ZNF790: variants seen among roughly 807,000 people sequenced by gnomAD.
ZNF790 encodes the protein zinc finger protein 790.
A neutral mutation model predicts 12.1 loss-of-function variants in ZNF790; 8 were observed. That is an observed-to-expected ratio of 0.66 (90% CI 0.39 to 1.19). The LOEUF is 1.19. Ranked by LOEUF, ZNF790 falls within the 50% of genes most tolerant of loss-of-function variation. The probability of loss-of-function intolerance (pLI) is 0.01; values close to 1 mark genes in which losing one functional copy is unlikely to be tolerated. For synonymous variants in ZNF790, 252 were observed against 244.3 expected (o/e 1.03, Z -0.29); for missense variants, 707 against 752.2 (o/e 0.94, Z 0.70).
At chr19:36,842,043 A>C (rs2072134521), upstream of ZNF790, among the ~76,000 whole-genome samples, 2 of 152,312 alleles carry the variant, frequency 1.3e-5, no homozygotes, top group Middle Eastern at 3.4e-3. Flanking sequence ...CACATAAAAG[A>C]AAGTGTACAT....
intron 1 of ZNF790, among the ~76,000 whole-genome samples, chr19:36,829,630 C>T (rs1294653029): frequency 4.6e-5 from 7 of 152,198 alleles, no homozygotes; most frequent in African/African-American, 9.7e-5. Context: ...TGCAATGGCA[C>T]GATCTCGACT....
chr19:36,823,202 T>G (rs745798282), intron 4 of ZNF790, 83 bp downstream of exon 4: 27 of 1,264,196 alleles, frequency 2.1e-5, no homozygotes, highest in Admixed American at 1.1e-4. Context: ...AGACCAATAT[T>G]TCAGAGGTGT....
At chr19:36,844,500 A>G (rs1051744399) in intron 1 of ZNF790, among the ~76,000 whole-genome samples, 1 of 152,262 alleles carries the variant, frequency 6.6e-6, no homozygotes, top group South Asian at 2.1e-4. Flanking sequence ...ACACATTGGT[A>G]TGTATAATTG....
At chr19:36,834,243 CAAAAA>C (rs751627349) in intron 1 of ZNF790, among the ~76,000 whole-genome samples, 3 of 34,886 alleles carry the variant, frequency 8.6e-5, no homozygotes, top group Admixed American at 5.6e-4. Flanking sequence ...AACTCCATCT[CAAAAA>C]AAAAAAAAAA....
At chr19:36,824,736 AG>A (rs1979571591) in intron 2 of ZNF790, among the ~76,000 whole-genome samples, 1 of 152,146 alleles carries the variant, frequency 6.6e-6, no homozygotes, top group Middle Eastern at 3.2e-3. Context: ...TGGAAGAACT[AG>A]CCCCAGATTT....
At chr19:36,831,156 AC>A (rs1331355162) in intron 1 of ZNF790, among the ~76,000 whole-genome samples, 8 of 152,012 alleles carry the variant, frequency 5.3e-5, no homozygotes, top group Admixed American at 1.3e-4. Flanking sequence ...AACAACAACA[AC>A]AACAAAAAAC....
chr19:36,822,252 G>A (rs1248601623), intron 4 of ZNF790, among the ~76,000 whole-genome samples: 1 of 151,826 alleles, frequency 6.6e-6, no homozygotes, highest in East Asian at 1.9e-4. Flanking sequence ...CAAAAGGGAT[G>A]GGTAAAATAA....
chr19:36,845,558 G>T (rs1267150574), intron 1 of ZNF790, among the ~76,000 whole-genome samples: 1 of 152,176 alleles, frequency 6.6e-6, no homozygotes, highest in East Asian at 1.9e-4. Flanking sequence ...AAGCAAAAAT[G>T]AGGATGGAGG....
In ZNF790 at chr19:36,818,881, A is replaced by G. The variant is rs573113235; in HGVS notation, c.1463T>C (p.Phe488Ser). The G allele has an allele frequency of 4.3e-6, 7 of 1,613,542 alleles. No individual in the cohort carries two copies. Among genetic ancestry groups the G allele is most frequent in the South Asian group, 1.1e-5 (1 of 91,064 alleles). The change falls in exon 5 of 5, where the codon TTT (phenylalanine) becomes TCT (serine). Residue 488 changes from phenylalanine to serine, a missense_variant. Transcript: ENST00000356725. Reference protein sequence around the residue: ...YECKECGKTFFRGSELNRHQK... With the variant: ...YECKECGKTFSRGSELNRHQK... Reference sequence around the variant, plus strand: ...GTGTCGATTAAGTTCTGAACCACGAAAAAAGGTCTTTCCACATTCCTTACA... The same window carrying G: ...GTGTCGATTAAGTTCTGAACCACGAGAAAAGGTCTTTCCACATTCCTTACA...
chr19:36,819,913 G>T lies in ZNF790; in HGVS notation c.431C>A (p.Thr144Asn). The change falls in exon 5 of 5, where the codon ACC (threonine) becomes AAC (asparagine). Residue 144 changes from threonine (T) to asparagine (N), a missense_variant. Transcript: ENST00000356725. ...QEECFKQVIR[T>N]CEKRPTFNQH... is the part of the protein sequence containing the mutation. ...GTTAAAAGTGGGCCTTTTTTCACAG[G>T]TGCGTATCACCTGCTTGAAGCATTC... The T allele has an allele frequency of 6.2e-7, 1 of 1,614,082 alleles. No homozygotes were observed. The highest frequency in any genetic ancestry group is 8.5e-7 in the Non-Finnish European group (1 of 1,179,998).
upstream of ZNF790, among the ~76,000 whole-genome samples, chr19:36,839,753 C>A (rs142820947): frequency 1.7e-3 from 254 of 152,252 alleles, 2 homozygotes; most frequent in Admixed American, 5.3e-3. Flanking sequence ...TTAATAATAT[C>A]TTGGCTCTTT....
chr19:36,840,084 T>C (rs1455260581), upstream of ZNF790, among the ~76,000 whole-genome samples: 1 of 152,178 alleles, frequency 6.6e-6, no homozygotes, highest in Non-Finnish European at 1.5e-5. Flanking sequence ...AAAAAAGTTT[T>C]AATCTTGCTG....
At chr19:36,848,517 A>T (rs904367986) in intron 1 of ZNF790, among the ~76,000 whole-genome samples, 1 of 152,176 alleles carries the variant, frequency 6.6e-6, no homozygotes, top group Non-Finnish European at 1.5e-5. Context: ...GCCATAATTA[A>T]AAGATGTTCA....
rs1343879635 is a variant in ZNF790 at position 36,819,782 on chromosome 19, G to A, written c.562C>T (p.His188Tyr). The A allele has an allele frequency of 2.5e-6, 4 of 1,612,820 alleles. No homozygotes were observed. Among genetic ancestry groups the A allele is most frequent in the Non-Finnish European group, 3.4e-6 (4 of 1,179,466 alleles). Residue 188 changes from histidine (H) to tyrosine (Y), a missense_variant, in exon 5 of 5, where the codon CAT becomes TAT. By Grantham distance (83) the His-to-Tyr change is moderately conservative. Transcript: ENST00000356725. ...TTCTCACTTGTGTGAATTAACTGAT[G>A]TTGAGTATGATCTGAACCAGAAATA... is the stretch of plus-strand genomic sequence containing the variant. Reference protein sequence around the residue: ...AFISGSDHTQHQLIHTSEKFC... With the variant: ...AFISGSDHTQYQLIHTSEKFC...
intron 3 of ZNF790, 88 bp downstream of exon 3, chr19:36,823,579 G>C (rs2071724179): frequency 1.5e-5 from 23 of 1,531,846 alleles, no homozygotes; most frequent in Non-Finnish European, 8.9e-7. Context: ...AAAAACAAAG[G>C]TCAGAAGTTA....
At position 36,820,049 on chromosome 19, in the gene ZNF790, C is replaced by T. The variant is rs763916672; in HGVS notation, c.295G>A (p.Ala99Thr). 4.3e-6 allele frequency: 7 copies of T among 1,611,964 alleles called. No homozygotes were observed. Among genetic ancestry groups the T allele is most frequent in the Non-Finnish European group, 5.9e-6 (7 of 1,179,978 alleles). Residue 99 changes from alanine (A) to threonine (T), a missense_variant, in exon 5 of 5, where the codon GCC becomes ACC. By Grantham distance (58) the Ala-to-Thr change is moderately conservative (BLOSUM62 0). Coordinates refer to ENST00000356725, the MANE Select transcript of ZNF790 (RefSeq NM_206894.4). Reference protein sequence around the residue: ...PKNGIFEREIAQLEIMRICKN... With the variant: ...PKNGIFEREITQLEIMRICKN... ...CAAATTCTCATTATTTCCAATTGGG[C>T]TATTTCTCTCTCAAAAATGCCATTT...
intron 1 of ZNF790, among the ~76,000 whole-genome samples, chr19:36,827,141 C>CACACATATATATATATATATATAT (rs1313807327): frequency 2.4e-5 from 2 of 84,438 alleles, no homozygotes; most frequent in African/African-American, 5.5e-5. Context: ...CACACACACA[C>CACACATATATATATATATATATAT]ATATATATAT....
chr19:36,820,746 A>C lies in ZNF790; in HGVS notation c.230-632T>G, dbSNP rs555943138. Among the ~76,000 whole-genome samples, 75 of 152,216 alleles carry C rather than the reference A, an allele frequency of 4.9e-4. No homozygotes were observed. In the South Asian group the frequency reaches 0.015, roughly 31 times the overall value. The stretch of plus-strand genomic sequence containing the variant: ...TGGCAAAAACCCATCTCTATAAAAA[A>C]TTAGCCAGGAGTGGTGGTGCATGCC... On this transcript the variant is annotated intron_variant, in intron 4 of 4. Transcript: ENST00000356725.
upstream of ZNF790, among the ~76,000 whole-genome samples, chr19:36,841,873 G>A (rs1251132183): frequency 6.7e-6 from 1 of 149,018 alleles, no homozygotes; most frequent in East Asian, 2.0e-4. Flanking sequence ...GGGGAGGGGA[G>A]AAGTTATTAT....
Sources: allele counts gnomAD v4.1 joint callset (sites outside exome capture counted in the v4.1 genomes callset), GRCh38; gene constraint gnomAD v4.1.1; transcripts MANE v1.5; gene names NCBI Gene and HGNC (gene_info 2026-07-23, HGNC 2026-07-21).